Variants in RANBP2 observed in about 807,000 individuals in gnomAD.
RANBP2 encodes RAN binding protein 2, also known as E3 SUMO-protein ligase RanBP2.
A neutral mutation model predicts 303.6 loss-of-function variants in RANBP2; 57 were observed. The ratio of observed to expected loss-of-function variants is 0.19; its 90% CI spans 0.15 to 0.23. RANBP2 has a LOEUF of 0.23. Among genes scored for constraint, RANBP2 ranks in the 10% least tolerant of loss-of-function variants. RANBP2 has a pLI of 1.00. For synonymous variants in RANBP2, 1,167 were observed against 1,301.5 expected (o/e 0.90, Z 2.23); for missense variants, 3,138 against 3,780.8 (o/e 0.83, Z 4.46).
chr2:109,376,154 T>C, the RANBP2 span, among the ~76,000 whole-genome samples: 1 of 152,362 alleles, frequency 6.6e-6, no homozygotes, highest in Non-Finnish European at 1.5e-5. Context: ...TCCATTGCTG[T>C]GTTGATTGAA....
At chr2:108,724,484 G>A (rs764889816) in intron 1 of RANBP2, among the ~76,000 whole-genome samples, 2 of 152,124 alleles carry the variant, frequency 1.3e-5, no homozygotes, top group African/African-American at 2.4e-5. Context: ...AATTTTGAAA[G>A]CATTGCTCCA....
the RANBP2 span, among the ~76,000 whole-genome samples, chr2:109,182,206 AG>A: frequency 0.048 from 7,285 of 152,276 alleles, 460 homozygotes; most frequent in East Asian, 0.32. Flanking sequence ...ATGATTTTGA[AG>A]GCTGGGAAGT....
chr2:109,178,662 TC>T, the RANBP2 span, among the ~76,000 whole-genome samples: 1 of 152,216 alleles, frequency 6.6e-6, no homozygotes, highest in Admixed American at 6.5e-5. Flanking sequence ...ATGCTCCTCT[TC>T]CTGTCCTCCC....
the RANBP2 span, among the ~76,000 whole-genome samples, chr2:108,874,643 T>C: frequency 1.3e-5 from 2 of 152,174 alleles, no homozygotes; most frequent in African/African-American, 4.8e-5. Flanking sequence ...CTTGAAATTA[T>C]TTGTAGATAG....
At chr2:108,758,922 C>T (rs1304842986) in intron 18 of RANBP2, among the ~76,000 whole-genome samples, 6 of 148,584 alleles carry the variant, frequency 4.0e-5, no homozygotes, top group Non-Finnish European at 9.0e-5. Context: ...AGAGGCAGGA[C>T]GTTATATAGG....
At chr2:109,064,274 G>C in the RANBP2 span, among the ~76,000 whole-genome samples, 1 of 151,796 alleles carries the variant, frequency 6.6e-6, no homozygotes, top group African/African-American at 2.4e-5. Context: ...TCAAGACCAC[G>C]GTGAAACCCC....
the RANBP2 span, among the ~76,000 whole-genome samples, chr2:109,235,259 TG>T: frequency 6.6e-5 from 10 of 152,314 alleles, no homozygotes; most frequent in Non-Finnish European, 1.3e-4. Context: ...CTGGGAGGAC[TG>T]GTTGGTGGGC....
chr2:109,391,810 A>T, the RANBP2 span, among the ~76,000 whole-genome samples: 2 of 152,124 alleles, frequency 1.3e-5, no homozygotes, highest in East Asian at 1.9e-4. Flanking sequence ...CCCACTTTTC[A>T]TGTCATTTTC....
chr2:109,585,612 GATC>G, the RANBP2 span: 1 of 846,454 alleles, frequency 1.2e-6, no homozygotes, highest in Non-Finnish European at 1.9e-6. Flanking sequence ...GAATCCCTGG[GATC>G]ATGATTTCAA....
At chr2:109,659,367 T>TGCC in the RANBP2 span, among the ~76,000 whole-genome samples, 4 of 151,252 alleles carry the variant, frequency 2.6e-5, no homozygotes, top group African/African-American at 4.9e-5. Context: ...AGAGATTTCA[T>TGCC]CCCCCCCAAA....
the RANBP2 span, among the ~76,000 whole-genome samples, chr2:108,826,086 A>G: frequency 2.6e-5 from 4 of 152,136 alleles, no homozygotes; most frequent in Non-Finnish European, 5.9e-5. Flanking sequence ...TCCATTGAGC[A>G]TTTTTAATTG....
chr2:109,278,271 A>G, the RANBP2 span, among the ~76,000 whole-genome samples: 1 of 152,144 alleles, frequency 6.6e-6, no homozygotes, highest in Non-Finnish European at 1.5e-5. Context: ...TAGGCACTTT[A>G]TCGGCAGGGC....
the RANBP2 span, among the ~76,000 whole-genome samples, chr2:108,899,817 C>T: frequency 6.6e-6 from 1 of 152,012 alleles, no homozygotes; most frequent in Admixed American, 6.5e-5. Context: ...GAAACCCCGT[C>T]TCTACTAAAA....
chr2:109,605,949 G>C, the RANBP2 span, among the ~76,000 whole-genome samples: 1 of 152,164 alleles, frequency 6.6e-6, no homozygotes, highest in Non-Finnish European at 1.5e-5. Flanking sequence ...AGCAACAGAT[G>C]CAAAATGCTG....
the RANBP2 span, among the ~76,000 whole-genome samples, chr2:109,262,837 T>C: frequency 6.6e-6 from 1 of 152,282 alleles, no homozygotes; most frequent in East Asian, 1.9e-4. Context: ...TTCTTTTTTC[T>C]TTTTTATTTT....
chr2:109,444,588 T>C, the RANBP2 span, among the ~76,000 whole-genome samples: 1 of 152,220 alleles, frequency 6.6e-6, no homozygotes, highest in East Asian at 1.9e-4. Context: ...ACCCTGGTCA[T>C]GGTGCTGAGT....
the RANBP2 span, among the ~76,000 whole-genome samples, chr2:109,632,472 T>A: frequency 6.6e-6 from 1 of 152,206 alleles, no homozygotes; most frequent in South Asian, 2.1e-4. Flanking sequence ...TACACCCAGC[T>A]GGTCAGGTCA....
the RANBP2 span, among the ~76,000 whole-genome samples, chr2:109,716,479 T>C: frequency 6.6e-6 from 1 of 152,166 alleles, no homozygotes; most frequent in Non-Finnish European, 1.5e-5. Context: ...CTCAAACTCC[T>C]GACCTCGTGA....
At chr2:109,686,264 T>C in the RANBP2 span, among the ~76,000 whole-genome samples, 48 of 152,252 alleles carry the variant, frequency 3.2e-4, 1 homozygote, top group Middle Eastern at 3.4e-3. Flanking sequence ...GGACACTTCT[T>C]AGGTTAAACT....
Sources: gnomAD v4.1 joint callset for allele counts (sites outside exome capture counted in the v4.1 genomes callset) on GRCh38, gnomAD v4.1.1 for gene constraint, MANE v1.5 for transcripts, NCBI Gene and HGNC (gene_info 2026-07-23, HGNC 2026-07-21) for gene names.